Variants in ASIC2 observed in about 807,000 individuals in gnomAD.
ASIC2 encodes acid-sensing ion channel 2.
In ASIC2, 25 loss-of-function variants were observed where a neutral mutation model predicts 57.3. That is an observed-to-expected ratio of 0.44 (90% CI 0.32 to 0.61). The LOEUF (loss-of-function observed/expected upper bound fraction) is 0.61, where lower values mean the gene tolerates loss of function less well. Ranked by LOEUF, ASIC2 falls within the 20% of genes least tolerant of loss-of-function variation. ASIC2 has a pLI of 0.06. For missense variants in ASIC2, 641 were observed against 738.1 expected, an observed-to-expected ratio of 0.87 and a Z score of 1.52; for synonymous variants, 319 against 307.5, an observed-to-expected ratio of 1.04 and a Z score of -0.39.
intron 1 of ASIC2, among the ~76,000 whole-genome samples, chr17:34,116,791 A>G (rs779037265): frequency 6.6e-6 from 1 of 152,116 alleles, no homozygotes; most frequent in Non-Finnish European, 1.5e-5. Context: ...CTTGGCAGTA[A>G]TAACAATTCC....
Position 33,068,032 on chromosome 17 carries a change from C to T in ASIC2, c.987+20831G>A, listed in dbSNP as rs115482383. 3.1e-3 allele frequency among the ~76,000 whole-genome samples: 469 copies of T among 152,194 alleles called. 3 individuals carry two copies. Among genetic ancestry groups the T allele is most frequent in the African/African-American group, 0.011 (436 of 41,522 alleles). ...GTCTCTGACCTGGGAGAGCCAGTAC[C>T]GAGAGGAGGTCAAATAAAGATGCTT... is the stretch of plus-strand genomic sequence containing the variant. On this transcript the variant is annotated intron_variant, in intron 3 of 9. Coordinates refer to ENST00000225823, the MANE Select transcript of ASIC2 (RefSeq NM_183377.2).
intron 1 of ASIC2, among the ~76,000 whole-genome samples, chr17:33,150,567 C>A (rs1904743169): frequency 6.6e-6 from 1 of 152,044 alleles, no homozygotes; most frequent in South Asian, 2.1e-4. Flanking sequence ...TGAAGTCTTT[C>A]TTGGGGGTGT....
intron 1 of ASIC2, among the ~76,000 whole-genome samples, chr17:33,346,482 G>C (rs1052225866): frequency 5.3e-5 from 8 of 152,076 alleles, no homozygotes; most frequent in African/African-American, 1.9e-4. Context: ...GATTTTCTAT[G>C]TGTATATGAA....
intron 1 of ASIC2, among the ~76,000 whole-genome samples, chr17:33,217,570 T>A (rs1907543098): frequency 2.0e-5 from 3 of 152,136 alleles, no homozygotes; most frequent in Non-Finnish European, 4.4e-5. Flanking sequence ...AAACATTCTG[T>A]GTCCACCACT....
At chr17:33,979,802 A>G (rs753162723) in intron 1 of ASIC2, among the ~76,000 whole-genome samples, 2 of 152,188 alleles carry the variant, frequency 1.3e-5, no homozygotes, top group Non-Finnish European at 2.9e-5. Flanking sequence ...TCACATTTCT[A>G]TCTTCACACT....
intron 1 of ASIC2, among the ~76,000 whole-genome samples, chr17:33,789,846 C>T (rs1349929691): frequency 6.6e-6 from 1 of 152,168 alleles, no homozygotes; most frequent in East Asian, 1.9e-4. Context: ...TCCAGGAATA[C>T]TCCCACCACC....
intron 1 of ASIC2, among the ~76,000 whole-genome samples, chr17:34,068,457 C>T (rs973015946): frequency 5.3e-5 from 8 of 152,182 alleles, no homozygotes; most frequent in African/African-American, 1.9e-4. Context: ...ACAGCCCATT[C>T]TGCAGCAAAA....
chr17:33,732,203 T>C (rs1187725266), intron 1 of ASIC2, among the ~76,000 whole-genome samples: 1 of 152,138 alleles, frequency 6.6e-6, no homozygotes, highest in East Asian at 1.9e-4. Flanking sequence ...AGATCAAAAG[T>C]GTGGAAGCAA....
intron 1 of ASIC2, among the ~76,000 whole-genome samples, chr17:33,659,414 G>A (rs529662881): frequency 2.6e-5 from 4 of 152,186 alleles, no homozygotes; most frequent in African/African-American, 7.2e-5. Flanking sequence ...TGGTACAGCC[G>A]ACCACACGCC....
intron 1 of ASIC2, among the ~76,000 whole-genome samples, chr17:33,320,196 T>C (rs911432746): frequency 6.6e-5 from 10 of 152,198 alleles, no homozygotes; most frequent in Admixed American, 4.6e-4. Context: ...AAACAGACAT[T>C]TCCTCCCTTC....
At chr17:33,344,671 T>G (rs909838539) in intron 1 of ASIC2, among the ~76,000 whole-genome samples, 2 of 152,154 alleles carry the variant, frequency 1.3e-5, no homozygotes, top group Non-Finnish European at 2.9e-5. Context: ...CAGGGCTTCC[T>G]TGTTTATAGT....
chr17:33,303,229 G>A (rs1280893840), intron 1 of ASIC2, among the ~76,000 whole-genome samples: 2 of 152,212 alleles, frequency 1.3e-5, no homozygotes, highest in African/African-American at 4.8e-5. Flanking sequence ...GTGGGTGGTG[G>A]CATAGTTCAG....
chr17:33,474,672 C>T (rs1317083149), intron 1 of ASIC2, among the ~76,000 whole-genome samples: 4 of 152,186 alleles, frequency 2.6e-5, no homozygotes, highest in Admixed American at 6.5e-5. Context: ...TTTTTGGGTG[C>T]TCCCTGTTGT....
At chr17:33,201,202 G>A (rs755153927) in intron 1 of ASIC2, among the ~76,000 whole-genome samples, 4 of 152,130 alleles carry the variant, frequency 2.6e-5, no homozygotes, top group African/African-American at 9.7e-5. Flanking sequence ...TGAGGACATG[G>A]ATTTTGATCT....
At chr17:33,084,542 C>T (rs2092126942) in intron 3 of ASIC2, among the ~76,000 whole-genome samples, 1 of 152,150 alleles carries the variant, frequency 6.6e-6, no homozygotes, top group Admixed American at 6.5e-5. Context: ...AGCTACGCAA[C>T]CTTGAACAAG....
At chr17:33,335,776 T>A (rs112776966) in intron 1 of ASIC2, among the ~76,000 whole-genome samples, 3 of 152,302 alleles carry the variant, frequency 2.0e-5, no homozygotes, top group African/African-American at 7.2e-5. Context: ...TCATTGCTCA[T>A]ACACTTGAGG....
chr17:33,374,105 C>T (rs1276462070), intron 1 of ASIC2, among the ~76,000 whole-genome samples: 1 of 152,108 alleles, frequency 6.6e-6, no homozygotes, highest in South Asian at 2.1e-4. Context: ...AAGTGATTCA[C>T]CTGCCTCAGT....
chr17:34,080,452 TG>T (rs1909836325), intron 1 of ASIC2, among the ~76,000 whole-genome samples: 1 of 152,232 alleles, frequency 6.6e-6, no homozygotes, highest in South Asian at 2.1e-4. Context: ...GCTGGTGAGC[TG>T]GATCCAGACT....
chr17:34,108,948 G>T (rs568317578), intron 1 of ASIC2, among the ~76,000 whole-genome samples: 2 of 151,462 alleles, frequency 1.3e-5, no homozygotes, highest in South Asian at 4.2e-4. Context: ...CTATATCTTG[G>T]TTATGGTTAG....
Sources: gnomAD v4.1 joint callset for allele counts (sites outside exome capture counted in the v4.1 genomes callset) on GRCh38, gnomAD v4.1.1 for gene constraint, MANE v1.5 for transcripts, NCBI Gene and HGNC (gene_info 2026-07-23, HGNC 2026-07-21) for gene names.